TRHDE: variants seen among roughly 807,000 people sequenced by gnomAD.
The protein encoded by TRHDE is thyrotropin releasing hormone degrading enzyme, also known as thyrotropin-releasing hormone-degrading ectoenzyme.
TRHDE carries 72 observed loss-of-function variants against 125.7 expected under a neutral mutation model. That is an observed-to-expected ratio of 0.57 (90% confidence interval 0.47 to 0.70). The LOEUF is 0.70. Among genes scored for constraint, TRHDE ranks in the 30% least tolerant of loss-of-function variants. The pLI is 0.00. For missense variants in TRHDE, 1,110 were observed against 1,327.1 expected, an observed-to-expected ratio of 0.84 and a Z score of 2.54; for synonymous variants, 509 against 509.1, an observed-to-expected ratio of 1.00 and a Z score of 0.00.
intron 2 of TRHDE, among the ~76,000 whole-genome samples, chr12:72,117,763 T>A (rs892251928): frequency 6.6e-6 from 1 of 152,160 alleles, no homozygotes; most frequent in African/African-American, 2.4e-5. Flanking sequence ...CACCAATATT[T>A]TATAGTTTTC....
In TRHDE at chr12:72,656,918, T is replaced by A. The variant is rs1874728800; in HGVS notation, c.2985-9T>A. On this transcript the variant is annotated splice_polypyrimidine_tract_variant and intron_variant, in intron 17 of 18. Transcript: ENST00000261180. The stretch of plus-strand genomic sequence containing the variant: ...TGCATTGACATTAAGACTCTTTTTT[T>A]CTTTTGAGGTATGGAGAAGCATTGT... 6.3e-7 allele frequency: 1 copy of A among 1,584,924 alleles called. No individual in the cohort carries two copies. Among genetic ancestry groups the A allele is most frequent in the Non-Finnish European group, 8.6e-7 (1 of 1,159,940 alleles).
At position 72,409,354 on chromosome 12, in the gene TRHDE, A is replaced by T. The variant is rs528293866; in HGVS notation, c.1315+31233A>T. On this transcript the variant is annotated intron_variant, in intron 3 of 18. Transcript: ENST00000261180. ...GACACTGAGTTTTTCAACAACAGGT[A>T]CTATCTAATAGAAATAGAAACACAT... Among the ~76,000 whole-genome samples, 6 of 152,338 alleles carry T rather than the reference A, an allele frequency of 3.9e-5. No homozygotes were observed. In the East Asian group the frequency reaches 1.2e-3, roughly 29 times the overall value.
intron 2 of TRHDE, among the ~76,000 whole-genome samples, chr12:72,315,913 T>C (rs1868778419): frequency 6.8e-6 from 1 of 147,860 alleles, no homozygotes; most frequent in South Asian, 2.1e-4. Context: ...TGCTCAATGA[T>C]TTTTTCCCCC....
chr12:72,499,655 T>C lies in TRHDE; in HGVS notation c.1722+20T>C. 2 of 1,610,782 alleles carry C rather than the reference T, an allele frequency of 1.2e-6. No homozygotes were observed. Among genetic ancestry groups the C allele is most frequent in the East Asian group, 2.2e-5 (1 of 44,800 alleles). On this transcript the variant is annotated intron_variant, in intron 6 of 18. Coordinates refer to ENST00000261180, the MANE Select transcript of TRHDE (RefSeq NM_013381.3). ...AAAAAGGTGGGAATAAAGAACAAAG[T>C]GCCAATTAGATATTTCATTACCAAG...
chr12:72,222,649 T>C (rs527442624), intron 2 of TRHDE, among the ~76,000 whole-genome samples: 70 of 152,264 alleles, frequency 4.6e-4, no homozygotes, highest in Admixed American at 1.2e-3. Flanking sequence ...CACTTGTTTC[T>C]TTTTGCTTAC....
At chr12:72,417,700 G>T (rs1376346480) in intron 3 of TRHDE, among the ~76,000 whole-genome samples, 1 of 151,902 alleles carries the variant, frequency 6.6e-6, no homozygotes, top group Admixed American at 6.6e-5. Context: ...AATTCATATT[G>T]TTACTGAAGT....
At chr12:72,538,908 A>G (rs1338462438) in intron 6 of TRHDE, among the ~76,000 whole-genome samples, 2 of 151,860 alleles carry the variant, frequency 1.3e-5, no homozygotes, top group African/African-American at 2.4e-5. Context: ...TATCCCTGGT[A>G]TTCAAAGTCC....
chr12:72,458,983 A>G (rs549324321), intron 3 of TRHDE, among the ~76,000 whole-genome samples: 14 of 152,170 alleles, frequency 9.2e-5, no homozygotes, highest in Non-Finnish European at 1.8e-4. Flanking sequence ...GGCTTAACAC[A>G]ACACAAATTT....
chr12:72,221,772 A>G (rs931263317), intron 2 of TRHDE, among the ~76,000 whole-genome samples: 3 of 152,186 alleles, frequency 2.0e-5, no homozygotes. Context: ...CCATACATTC[A>G]GCTATCTACT....
intron 1 of TRHDE, among the ~76,000 whole-genome samples, chr12:72,283,576 T>C (rs904074346): frequency 6.6e-6 from 1 of 152,158 alleles, no homozygotes; most frequent in African/African-American, 2.4e-5. Context: ...GTGATCTTTA[T>C]AGTTCTTTTC....
At chr12:72,388,597 AAT>A (rs1027017479) in intron 3 of TRHDE, among the ~76,000 whole-genome samples, 2 of 152,174 alleles carry the variant, frequency 1.3e-5, no homozygotes, top group Admixed American at 6.5e-5. Context: ...AAATAAAATA[AAT>A]ATGATTTCAA....
chr12:72,296,922 G>A (rs1880322093), intron 2 of TRHDE, among the ~76,000 whole-genome samples: 1 of 152,136 alleles, frequency 6.6e-6, no homozygotes, highest in African/African-American at 2.4e-5. Flanking sequence ...TTTATGCAGA[G>A]TCTGTTCCAA....
intron 2 of TRHDE, among the ~76,000 whole-genome samples, chr12:72,246,233 T>A (rs1305157502): frequency 7.0e-6 from 1 of 142,908 alleles, no homozygotes; most frequent in Non-Finnish European, 1.6e-5. Flanking sequence ...TCCCTACACC[T>A]TCAGCAAAAA....
chr12:72,497,469 T>C (rs890421878), intron 5 of TRHDE, among the ~76,000 whole-genome samples: 3 of 152,174 alleles, frequency 2.0e-5, no homozygotes, highest in African/African-American at 7.2e-5. Flanking sequence ...TAAGTTCACT[T>C]TACCTGGTTG....
chr12:72,435,103 TTG>T (rs905026961), intron 3 of TRHDE, among the ~76,000 whole-genome samples: 4 of 152,232 alleles, frequency 2.6e-5, no homozygotes, highest in Non-Finnish European at 5.9e-5. Flanking sequence ...TTTGTCATTG[TTG>T]TCAGATCTTG....
At chr12:72,216,204 G>C (rs538822619) in intron 2 of TRHDE, among the ~76,000 whole-genome samples, 1 of 152,200 alleles carries the variant, frequency 6.6e-6, no homozygotes, top group East Asian at 1.9e-4. Flanking sequence ...GGAAAGACTG[G>C]GTAGATTTTG....
chr12:72,418,913 A>T (rs1188797731), intron 3 of TRHDE, among the ~76,000 whole-genome samples: 1 of 152,200 alleles, frequency 6.6e-6, no homozygotes, highest in Non-Finnish European at 1.5e-5. Flanking sequence ...GCTTCAGAAC[A>T]ATCTCTATTA....
intron 3 of TRHDE, among the ~76,000 whole-genome samples, chr12:72,448,336 A>G (rs1198245542): frequency 6.6e-6 from 1 of 152,070 alleles, no homozygotes; most frequent in East Asian, 1.9e-4. Context: ...TAATGGCTTC[A>G]TTTGGGCTAG....
At chr12:72,611,592 A>T (rs1872636516) in intron 12 of TRHDE, among the ~76,000 whole-genome samples, 2 of 152,174 alleles carry the variant, frequency 1.3e-5, no homozygotes, top group East Asian at 3.9e-4. Flanking sequence ...ATGAACCTTC[A>T]CTCTAACAAA....
Sources: allele counts gnomAD v4.1 joint callset (sites outside exome capture counted in the v4.1 genomes callset), GRCh38; gene constraint gnomAD v4.1.1; transcripts MANE v1.5; gene names NCBI Gene and HGNC (gene_info 2026-07-23, HGNC 2026-07-21).